Variants in SLC12A1 observed in about 807,000 individuals in gnomAD.
SLC12A1 encodes the protein solute carrier family 12 member 1.
Under a neutral mutation model 130.4 loss-of-function variants are expected in SLC12A1, and 89 were observed. The ratio of observed to expected loss-of-function variants is 0.68; its 90% confidence interval spans 0.58 to 0.81. The LOEUF (loss-of-function observed/expected upper bound fraction) is 0.81. Among genes scored for constraint, SLC12A1 ranks in the 40% least tolerant of loss-of-function variants. The pLI, the probability that SLC12A1 is intolerant of heterozygous loss-of-function variation, is 0.00. For missense variants in SLC12A1, 1,310 were observed against 1,336.4 expected (o/e 0.98, Z 0.31); for synonymous variants, 499 against 460.0 (o/e 1.08, Z -1.09).
At chr15:48,221,179 T>C (rs552581089) in intron 4 of SLC12A1, among the ~76,000 whole-genome samples, 183 bp downstream of exon 4, 35 of 152,382 alleles carry the variant, frequency 2.3e-4, no homozygotes, top group African/African-American at 7.9e-4. Flanking sequence ...TTAACTCCTA[T>C]GAAACTGGAA....
chr15:48,302,427 T>C (rs1445155924), intron 26 of SLC12A1, among the ~76,000 whole-genome samples: 2 of 151,420 alleles, frequency 1.3e-5, no homozygotes, highest in East Asian at 3.9e-4. Flanking sequence ...GAGACCATCC[T>C]GGCTAACAAG....
intron 25 of SLC12A1, 115 bp downstream of exon 25, chr15:48,299,390 T>A (rs2042209492): frequency 4.2e-6 from 4 of 944,896 alleles, no homozygotes; most frequent in Non-Finnish European, 5.9e-6. Context: ...TTATTCAAGA[T>A]CCAAGCTTTC....
At chr15:48,237,312 T>A in intron 9 of SLC12A1, 1 of 264,814 alleles carries the variant, frequency 3.8e-6, no homozygotes, top group Non-Finnish European at 7.1e-6. Context: ...GTGTATGTAA[T>A]CCTTCATTAA....
chr15:48,226,602 T>G (rs763679567), intron 5 of SLC12A1, 31 bp downstream of exon 5: 6 of 1,363,864 alleles, frequency 4.4e-6, no homozygotes, highest in Non-Finnish European at 6.3e-6. Context: ...AATGCCCTCA[T>G]CACTTGCTAC....
chr15:48,250,708 G>A (rs201877394), intron 14 of SLC12A1, among the ~76,000 whole-genome samples: 8 of 86,534 alleles, frequency 9.2e-5, no homozygotes, highest in African/African-American at 3.3e-4. Flanking sequence ...ACACACACAC[G>A]GACGGGAAGC....
At chr15:48,301,407 G>T in intron 26 of SLC12A1, 25 bp downstream of exon 26, 1 of 1,484,108 alleles carries the variant, frequency 6.7e-7, no homozygotes, top group Non-Finnish European at 9.2e-7. Flanking sequence ...AAGCATTGAA[G>T]AACATTAGAA....
In SLC12A1 at chr15:48,274,564, C is replaced by T. The variant is rs184703117; in HGVS notation, c.2403-7C>T. 3.7e-6 allele frequency: 6 copies of T among 1,607,512 alleles called. No homozygotes were observed. In the Admixed American group the frequency reaches 8.3e-5, roughly 22 times the overall value. ...TAAAACGCTGACTGCTTTGCTTCCTCTTTCAGTGATGCATTTGATTTTGAG... is the reference window on the plus strand; with the variant it reads ...TAAAACGCTGACTGCTTTGCTTCCTTTTTCAGTGATGCATTTGATTTTGAG... On this transcript the variant is annotated splice_region_variant and splice_polypyrimidine_tract_variant and intron_variant, in intron 19 of 26. Transcript: ENST00000380993.
At chr15:48,232,961 T>C (rs1738626991) in intron 8 of SLC12A1, 123 bp downstream of exon 8, 1 of 659,630 alleles carries the variant, frequency 1.5e-6, no homozygotes, top group South Asian at 1.9e-5. Flanking sequence ...TACTTGTGGA[T>C]GCGGAAGCCC....
rs374721022 is a variant in SLC12A1 at position 48,255,851 on chromosome 15, G to A, written c.1983G>A (p.Val661=). 58 of 1,608,108 alleles carry A rather than the reference G, an allele frequency of 3.6e-5. No homozygotes were observed. The highest frequency in any genetic ancestry group is 4.8e-5 in the Non-Finnish European group (56 of 1,177,344). Residue 661 remains valine (V), a synonymous_variant, in exon 16 of 27, where the codon GTG becomes GTA. Transcript: ENST00000380993. The part of the protein sequence containing the change: ...WGSSTQALSY[V]SALDNALELT... ...CCTCCACACAGGCTCTTTCCTACGT[G>A]AGTGCTTTAGACAATGCTCTGGAAT...
chr15:48,267,509 A>G lies in SLC12A1; in HGVS notation c.2155-52A>G, dbSNP rs982058988. On this transcript the variant is annotated intron_variant, in intron 17 of 26. Transcript: ENST00000380993. The stretch of plus-strand genomic sequence containing the variant: ...TTTTTGTCCTTTAGAAAACAACAGC[A>G]ATGTGATATATAATAGCAGGGTTCT... The G allele has an allele frequency of 8.1e-6, 13 of 1,598,376 alleles. No individual in the cohort carries two copies. In the East Asian group the frequency reaches 2.9e-4, roughly 36 times the overall value.
At chr15:48,226,597 C>T (rs2041290941) in intron 5 of SLC12A1, 26 bp downstream of exon 5, 2 of 1,396,140 alleles carry the variant, frequency 1.4e-6, no homozygotes, top group Non-Finnish European at 2.0e-6. Context: ...TATCTAATGC[C>T]CTCATCACTT....
In SLC12A1 at chr15:48,220,620, T is replaced by A; in HGVS notation, c.421-14T>A. ...TTGACCAACTACTGTGTTTTTGCTA[T>A]CTATAAAATGCAGAATGTGGCAGTC... On this transcript the variant is annotated splice_polypyrimidine_tract_variant and intron_variant, in intron 2 of 26. Coordinates refer to ENST00000380993, the MANE Select transcript of SLC12A1 (RefSeq NM_000338.3). The A allele has an allele frequency of 6.2e-7, 1 of 1,610,336 alleles. No individual in the cohort carries two copies.
rs2041561155 is a variant in SLC12A1 at position 48,244,966 on chromosome 15, A to C, written c.1452+62A>C. On this transcript the variant is annotated intron_variant, in intron 11 of 26. Coordinates refer to ENST00000380993, the MANE Select transcript of SLC12A1 (RefSeq NM_000338.3). ...TTTTCATTTTTTGAATGTCACATAGAGTAAGATTTCTGAATCTGCAACTGA... is the reference window on the plus strand; with the variant it reads ...TTTTCATTTTTTGAATGTCACATAGCGTAAGATTTCTGAATCTGCAACTGA... The C allele has an allele frequency of 5.4e-6, 8 of 1,482,392 alleles. No homozygotes were observed. The East Asian group carries it at 1.8e-4, about 34-fold the overall frequency. The allele number at this position is 1,482,392 out of a possible 1,614,324, so 91.8% of individuals were successfully genotyped here. A position where few individuals can be genotyped will look rare whatever the true frequency, so the allele number is the denominator to read the frequency against.
intron 8 of SLC12A1, among the ~76,000 whole-genome samples, chr15:48,234,258 TCTC>T (rs2041413342): frequency 6.6e-6 from 1 of 152,110 alleles, no homozygotes; most frequent in Admixed American, 6.5e-5. Context: ...AGAGAATTCA[TCTC>T]CTCCTCTTTC....
At chr15:48,208,282 T>C (rs1163024497) in intron 2 of SLC12A1, 143 bp downstream of exon 2, 9 of 824,242 alleles carry the variant, frequency 1.1e-5, no homozygotes, top group Non-Finnish European at 1.6e-5. Context: ...CTTACAAAAC[T>C]GTCCCTAGTT....
At chr15:48,271,964 G>A (rs568381791) in intron 19 of SLC12A1, among the ~76,000 whole-genome samples, 6 of 152,280 alleles carry the variant, frequency 3.9e-5, no homozygotes, top group African/African-American at 7.2e-5. Context: ...AGGAAGTAAC[G>A]TGTAAATCTT....
chr15:48,262,316 G>C (rs1343291330), intron 17 of SLC12A1, among the ~76,000 whole-genome samples: 1 of 152,178 alleles, frequency 6.6e-6, no homozygotes, highest in African/African-American at 2.4e-5. Context: ...TACCAGAAAG[G>C]AGCAAGACGT....
chr15:48,289,173 G>A (rs1332679394), intron 23 of SLC12A1, among the ~76,000 whole-genome samples: 1 of 151,350 alleles, frequency 6.6e-6, no homozygotes, highest in African/African-American at 2.4e-5. Context: ...CCAGTTGTGA[G>A]AATAATAAGC....
intron 9 of SLC12A1, among the ~76,000 whole-genome samples, chr15:48,241,206 G>C (rs529499678): frequency 3.6e-4 from 55 of 152,290 alleles, no homozygotes; most frequent in South Asian, 6.2e-4. Flanking sequence ...ATTCATAGGA[G>C]ATAAAGAGAA....
Sources: allele counts gnomAD v4.1 joint callset (sites outside exome capture counted in the v4.1 genomes callset), GRCh38; gene constraint gnomAD v4.1.1; transcripts MANE v1.5; gene names NCBI Gene and HGNC (gene_info 2026-07-23, HGNC 2026-07-21).